The following ASIC2 variants were observed in gnomAD, a reference collection of about 807,000 sequenced individuals.
ASIC2 encodes the protein acid sensing ion channel subunit 2, also known as acid-sensing ion channel 2.
Under a neutral mutation model 57.3 loss-of-function variants are expected in ASIC2, and 25 were observed. The ratio of observed to expected loss-of-function variants is 0.44; its 90% CI spans 0.32 to 0.61. The LOEUF is 0.61. ASIC2 is among the 20% of genes least tolerant of loss of function. The pLI, the probability that ASIC2 is intolerant of heterozygous loss-of-function variation, is 0.06. For missense variants in ASIC2, 641 were observed against 738.1 expected (o/e 0.87, Z 1.52); for synonymous variants, 319 against 307.5 (o/e 1.04, Z -0.39).
chr17:33,544,587 G>A (rs1466676977), intron 1 of ASIC2, among the ~76,000 whole-genome samples: 1 of 152,166 alleles, frequency 6.6e-6, no homozygotes, highest in Non-Finnish European at 1.5e-5. Context: ...GGGAGGTTGA[G>A]AATAATGAAT....
Position 33,720,981 on chromosome 17 carries a change from CT to C in ASIC2, c.555+434996del, listed in dbSNP as rs1357440043. 1.4e-4 allele frequency among the ~76,000 whole-genome samples: 22 copies of C among 152,296 alleles called. No individual in the cohort carries two copies. The East Asian group carries it at 3.3e-3, about 23-fold the overall frequency. ...AACTGTGAAATGGAGCAAATACTGTCTGTTTTAGCAATCCATATAAAACTCT... is the reference window on the plus strand; with the variant it reads ...AACTGTGAAATGGAGCAAATACTGTCGTTTTAGCAATCCATATAAAACTCT... On this transcript the variant is annotated intron_variant, in intron 1 of 9. Coordinates refer to the ASIC2 transcript ENST00000359872.
intron 2 of ASIC2, among the ~76,000 whole-genome samples, chr17:33,092,978 A>T (rs1180102353): frequency 1.3e-5 from 2 of 152,142 alleles, no homozygotes; most frequent in African/African-American, 4.8e-5. Context: ...TCTGGAGGAC[A>T]CTGGTAAACA....
intron 1 of ASIC2, among the ~76,000 whole-genome samples, chr17:33,376,988 C>T (rs1909302076): frequency 6.6e-6 from 1 of 152,162 alleles, no homozygotes; most frequent in Non-Finnish European, 1.5e-5. Context: ...TTCATTCATT[C>T]CCTATAATCT....
intron 1 of ASIC2, among the ~76,000 whole-genome samples, chr17:33,581,724 G>C (rs746873747): frequency 4.6e-5 from 7 of 152,194 alleles, no homozygotes; most frequent in Non-Finnish European, 8.8e-5. Context: ...GCTAATTAAA[G>C]GATGAAGTGA....
At chr17:33,919,338 A>T (rs938806118) in intron 1 of ASIC2, among the ~76,000 whole-genome samples, 4 of 152,206 alleles carry the variant, frequency 2.6e-5, no homozygotes, top group African/African-American at 9.6e-5. Context: ...TATTCTGCAG[A>T]AAAGGGAACC....
chr17:33,129,555 G>T (rs973066165), intron 1 of ASIC2, among the ~76,000 whole-genome samples: 1 of 152,208 alleles, frequency 6.6e-6, no homozygotes, highest in Non-Finnish European at 1.5e-5. Context: ...ACCTTTCTTG[G>T]GAGATGCACA....
At chr17:33,373,678 C>CT (rs34860371) in intron 1 of ASIC2, among the ~76,000 whole-genome samples, 27 of 145,768 alleles carry the variant, frequency 1.9e-4, no homozygotes, top group Non-Finnish European at 3.9e-4. Context: ...TAAGATTGGT[C>CT]TTTTTTTTCT....
At chr17:33,897,268 C>T (rs1915120455) in intron 1 of ASIC2, among the ~76,000 whole-genome samples, 1 of 152,210 alleles carries the variant, frequency 6.6e-6, no homozygotes, top group Non-Finnish European at 1.5e-5. Context: ...ATATTCTGCA[C>T]AGCATCTATC....
At chr17:33,388,189 G>A (rs1909761804) in intron 1 of ASIC2, among the ~76,000 whole-genome samples, 1 of 152,238 alleles carries the variant, frequency 6.6e-6, no homozygotes, top group Non-Finnish European at 1.5e-5. Flanking sequence ...GTGGCCACTG[G>A]CCACAAGCCA....
chr17:33,501,201 G>A (rs1914092262), intron 1 of ASIC2, among the ~76,000 whole-genome samples: 1 of 152,204 alleles, frequency 6.6e-6, no homozygotes, highest in South Asian at 2.1e-4. Context: ...CGTGATGCCG[G>A]CTAAATAAAA....
chr17:33,171,079 C>A (rs192565171), intron 1 of ASIC2, among the ~76,000 whole-genome samples: 2 of 152,284 alleles, frequency 1.3e-5, no homozygotes, highest in East Asian at 1.9e-4. Context: ...GATATCAAAC[C>A]CCTCAATGGA....
At chr17:34,104,114 T>A (rs1048835128) in intron 1 of ASIC2, among the ~76,000 whole-genome samples, 7 of 152,192 alleles carry the variant, frequency 4.6e-5, no homozygotes, top group Non-Finnish European at 1.0e-4. Flanking sequence ...TTTATTTATG[T>A]CCTCTTTAAC....
chr17:33,291,892 C>T lies in ASIC2; in HGVS notation c.224G>A (p.Gly75Glu). The T allele has an allele frequency of 6.2e-7, 1 of 1,603,420 alleles. No homozygotes were observed. The highest frequency in any genetic ancestry group is 8.5e-7 in the Non-Finnish European group (1 of 1,178,510). The change falls in exon 1 of 10, where the codon GGG (glycine) becomes GAG (glutamate). Residue 75 changes from glycine (G) to glutamate (E), a missense_variant. Physicochemically the swap from Gly to Glu is moderately conservative, Grantham distance 98. Coordinates refer to ENST00000225823, the MANE Select transcript of ASIC2 (RefSeq NM_183377.2). ...KLHGLRHMCA[G>E]RTAAGGSFQR... ...GAAGGAGCCCCCAGCCGCCGTGCGC[C>T]CGGCACACATGTGCCGCAGCCCGTG...
intron 1 of ASIC2, among the ~76,000 whole-genome samples, chr17:33,910,215 T>C (rs1471488799): frequency 6.6e-6 from 1 of 152,186 alleles, no homozygotes; most frequent in Non-Finnish European, 1.5e-5. Context: ...GCATCCATAT[T>C]CCGGTTGGAT....
chr17:33,299,605 C>T (rs146277057), intron 1 of ASIC2, among the ~76,000 whole-genome samples: 27 of 152,092 alleles, frequency 1.8e-4, no homozygotes, highest in Non-Finnish European at 3.7e-4. Context: ...TTAGATGCAC[C>T]AAGTGGTTTT....
At chr17:33,124,849 T>TG (rs1172409725) in intron 1 of ASIC2, among the ~76,000 whole-genome samples, 1 of 152,240 alleles carries the variant, frequency 6.6e-6, no homozygotes, top group Non-Finnish European at 1.5e-5. Flanking sequence ...TTTGTTTTCC[T>TG]GCAACTAGAC....
chr17:33,312,367 ACC>A (rs1276161584), intron 1 of ASIC2, among the ~76,000 whole-genome samples: 1 of 152,160 alleles, frequency 6.6e-6, no homozygotes, highest in Non-Finnish European at 1.5e-5. Context: ...ATTTCATTTC[ACC>A]ATGGATCCAA....
intron 1 of ASIC2, among the ~76,000 whole-genome samples, chr17:34,154,574 G>A (rs1395676196): frequency 6.6e-6 from 1 of 152,142 alleles, no homozygotes; most frequent in African/African-American, 2.4e-5. Flanking sequence ...AGCAATTACA[G>A]AGGCTACAGG....
chr17:33,697,361 G>T (rs1253442562), intron 1 of ASIC2, among the ~76,000 whole-genome samples: 1 of 152,204 alleles, frequency 6.6e-6, no homozygotes, highest in Non-Finnish European at 1.5e-5. Context: ...GGAGGAGGAA[G>T]CAGGTTGGTC....
Sources: allele counts gnomAD v4.1 joint callset (sites outside exome capture counted in the v4.1 genomes callset), GRCh38; gene constraint gnomAD v4.1.1; transcripts MANE v1.5; gene names NCBI Gene and HGNC (gene_info 2026-07-23, HGNC 2026-07-21).